The following PRELID2 variants were observed in gnomAD, a reference collection of about 807,000 sequenced individuals.
PRELID2 encodes PRELI domain containing 2, also known as PRELI domain-containing protein 2.
PRELID2 carries 25 observed loss-of-function variants against 28.4 expected under a neutral mutation model. The observed-to-expected ratio is 0.88, with a 90% CI of 0.64 to 1.23. The LOEUF is 1.23. PRELID2 is among the 50% of genes most tolerant of loss of function. PRELID2 has a pLI of 0.00. For synonymous variants in PRELID2, 76 were observed against 71.6 expected (o/e 1.06, Z -0.31); for missense variants, 201 against 214.4 (o/e 0.94, Z 0.39).
the PRELID2 span, among the ~76,000 whole-genome samples, chr5:145,383,993 C>G: frequency 6.6e-6 from 1 of 151,902 alleles, no homozygotes; most frequent in Non-Finnish European, 1.5e-5. Flanking sequence ...ACAAACAATT[C>G]AATTTAAAAC....
chr5:145,665,985 T>TA lies in PRELID2; in HGVS notation n.70+98945_70+98946insT, dbSNP rs1561537630. ...AAAAAATAGCAAACTTGTCTTTTTT[T>TA]TAAAAAAAAAAAAAAAAGAAAGAAA... On this transcript the variant is annotated intron_variant and non_coding_transcript_variant, in intron 1 of 2. Coordinates refer to the PRELID2 transcript ENST00000510259. Among the ~76,000 whole-genome samples, 489 of 141,606 alleles carry TA rather than the reference T, an allele frequency of 3.5e-3. 4 individuals carry two copies. Among genetic ancestry groups the TA allele is most frequent in the African/African-American group, 0.012 (420 of 34,160 alleles). The allele number at this position is 141,606 out of a possible 152,430, so 92.9% of individuals were successfully genotyped here. A position where few individuals can be genotyped will look rare whatever the true frequency, so the allele number is the denominator to read the frequency against.
At chr5:145,245,948 C>T in the PRELID2 span, among the ~76,000 whole-genome samples, 243 of 151,884 alleles carry the variant, frequency 1.6e-3, 1 homozygote, top group African/African-American at 5.7e-3. Context: ...TTCAGCTAAT[C>T]TTCTAAGAAT....
At chr5:145,725,528 A>G (rs1756121978) in intron 1 of PRELID2, among the ~76,000 whole-genome samples, 1 of 152,252 alleles carries the variant, frequency 6.6e-6, no homozygotes, top group African/African-American at 2.4e-5. Context: ...CTTATTCAAT[A>G]CTATTGCAAT....
chr5:145,456,558 C>T, the PRELID2 span, among the ~76,000 whole-genome samples: 1 of 152,130 alleles, frequency 6.6e-6, no homozygotes, highest in Non-Finnish European at 1.5e-5. Flanking sequence ...ACCCAAAATG[C>T]TTGTTTATTG....
chr5:145,824,317 G>A (rs1267533830), intron 1 of PRELID2, among the ~76,000 whole-genome samples: 2 of 152,140 alleles, frequency 1.3e-5, no homozygotes, highest in African/African-American at 2.4e-5. Flanking sequence ...GGCAGGCTGA[G>A]GGGAGAAAGA....
At chr5:145,721,946 T>C (rs899754236) in intron 1 of PRELID2, among the ~76,000 whole-genome samples, 3 of 152,124 alleles carry the variant, frequency 2.0e-5, no homozygotes, top group African/African-American at 7.2e-5. Flanking sequence ...AGCAACCACC[T>C]GCATAAAGCA....
intron 4 of PRELID2, 76 bp downstream of exon 4, chr5:145,817,818 C>T: frequency 8.1e-7 from 1 of 1,241,634 alleles, no homozygotes; most frequent in South Asian, 2.0e-5. Context: ...AGTATAGAAC[C>T]ATAGATTTTT....
chr5:145,835,339 A>T lies in PRELID2; in HGVS notation c.-88T>A, dbSNP rs1334945942. On this transcript the variant is annotated 5_prime_UTR_variant, in exon 1 of 7. Coordinates refer to ENST00000683046, the MANE Select transcript of PRELID2 (RefSeq NM_205846.3). ...TCCGCAGAGGCCCGGAGGCGCCCACACTCGGACAGCCACATGGGCGTGGCC... is the reference window on the plus strand; with the variant it reads ...TCCGCAGAGGCCCGGAGGCGCCCACTCTCGGACAGCCACATGGGCGTGGCC... The T allele has an allele frequency of 1.2e-6, 1 of 808,052 alleles. No individual in the cohort carries two copies. The highest frequency in any genetic ancestry group is 1.8e-5 in the African/African-American group (1 of 56,356). 50.1% of individuals were successfully genotyped at this position (808,052 alleles called of 1,614,324 possible). A position where few individuals can be genotyped will look rare whatever the true frequency, so the allele number is the denominator to read the frequency against.
chr5:145,510,220 G>A (rs529629851), intron 1 of PRELID2, among the ~76,000 whole-genome samples: 1 of 152,268 alleles, frequency 6.6e-6, no homozygotes, highest in African/African-American at 2.4e-5. Flanking sequence ...TTCACCTATA[G>A]AACTCCATGA....
chr5:145,613,048 C>A (rs1230043712), intron 1 of PRELID2, among the ~76,000 whole-genome samples: 4 of 152,122 alleles, frequency 2.6e-5, no homozygotes, highest in African/African-American at 7.2e-5. Context: ...TTTAAGGAAT[C>A]TCCACACTGT....
intron 5 of PRELID2, among the ~76,000 whole-genome samples, chr5:145,787,371 C>T (rs147478677): frequency 7.6e-4 from 115 of 152,192 alleles, no homozygotes; most frequent in African/African-American, 2.7e-3. Context: ...CGTTCTTTTG[C>T]TTTGCGTTTG....
rs549623737 is a variant in PRELID2 at position 145,487,008 on chromosome 5, G to A, written n.71-13693C>T. 8.3e-5 allele frequency among the ~76,000 whole-genome samples: 12 copies of A among 144,408 alleles called. 1 individual carries two copies. Among genetic ancestry groups the A allele is most frequent in the East Asian group, 4.2e-4 (2 of 4,798 alleles). 94.7% of individuals were successfully genotyped at this position (144,408 alleles called of 152,430 possible). ...TCGCAAGAACAAAAAACCAAACACC[G>A]CATATTCTCACTCATAGGTGGGAAT... On this transcript the variant is annotated intron_variant and non_coding_transcript_variant, in intron 1 of 2. Coordinates refer to the PRELID2 transcript ENST00000510259.
intron 4 of PRELID2, among the ~76,000 whole-genome samples, chr5:145,813,289 T>C (rs1478154168): frequency 1.3e-5 from 2 of 152,178 alleles, no homozygotes; most frequent in African/African-American, 2.4e-5. Context: ...TAATAATGAA[T>C]CTTTCTTGGA....
the PRELID2 span, among the ~76,000 whole-genome samples, chr5:145,367,438 T>C: frequency 7.2e-5 from 11 of 152,056 alleles, no homozygotes; most frequent in Non-Finnish European, 5.9e-5. Flanking sequence ...TTTCAACTGA[T>C]GAACTTACAC....
At chr5:145,420,147 T>C in the PRELID2 span, among the ~76,000 whole-genome samples, 2 of 152,154 alleles carry the variant, frequency 1.3e-5, no homozygotes, top group Non-Finnish European at 2.9e-5. Flanking sequence ...TGTAGTATAG[T>C]TTGAAGTCAG....
chr5:145,582,432 G>A (rs938580819), intron 1 of PRELID2, among the ~76,000 whole-genome samples: 8 of 151,874 alleles, frequency 5.3e-5, no homozygotes, highest in Admixed American at 1.3e-4. Context: ...ACTATCACAA[G>A]AACAGCAAGG....
intron 1 of PRELID2, among the ~76,000 whole-genome samples, chr5:145,581,029 T>G (rs140101177): frequency 9.9e-4 from 150 of 152,068 alleles, no homozygotes; most frequent in Admixed American, 1.9e-3. Context: ...TCTTTCCCTT[T>G]CTCCTTTTAT....
At chr5:145,534,515 G>T (rs146800000) in intron 1 of PRELID2, among the ~76,000 whole-genome samples, 7 of 152,046 alleles carry the variant, frequency 4.6e-5, no homozygotes, top group African/African-American at 1.7e-4. Context: ...GAAAAAACTG[G>T]TGCAACTAAA....
At chr5:145,545,221 T>C (rs991785041) in intron 1 of PRELID2, among the ~76,000 whole-genome samples, 2 of 152,110 alleles carry the variant, frequency 1.3e-5, no homozygotes, top group Admixed American at 6.6e-5. Flanking sequence ...TAGAGGTCAG[T>C]GCATCAAATG....
Sources: gnomAD v4.1 joint callset for allele counts (sites outside exome capture counted in the v4.1 genomes callset) on GRCh38, gnomAD v4.1.1 for gene constraint, MANE v1.5 for transcripts, NCBI Gene and HGNC (gene_info 2026-07-23, HGNC 2026-07-21) for gene names.